The following NREP variants were observed in gnomAD, a reference collection of about 807,000 sequenced individuals.
NREP encodes neuronal regeneration related protein.
In NREP, 5 loss-of-function variants were observed where a neutral mutation model predicts 8.6. The ratio of observed to expected loss-of-function variants is 0.58; its 90% CI spans 0.30 to 1.22. The LOEUF is 1.22. NREP is among the 50% of genes most tolerant of loss of function. NREP has a pLI of 0.07. For missense variants in NREP, 86 were observed against 82.5 expected, an observed-to-expected ratio of 1.04 and a Z score of -0.17; for synonymous variants, 27 against 28.0, an observed-to-expected ratio of 0.96 and a Z score of 0.11.
intron 2 of NREP, among the ~76,000 whole-genome samples, chr5:111,826,414 A>G (rs1752628729): frequency 6.6e-6 from 1 of 152,208 alleles, no homozygotes; most frequent in Non-Finnish European, 1.5e-5. Context: ...GCTGCTGCTC[A>G]GTGTTTGGGT....
At chr5:111,831,156 A>C (rs1752757943) in intron 2 of NREP, among the ~76,000 whole-genome samples, 1 of 152,140 alleles carries the variant, frequency 6.6e-6, no homozygotes, top group South Asian at 2.1e-4. Flanking sequence ...CTTTACTGAA[A>C]GCTTCCATCT....
chr5:111,779,383 G>A (rs1363474740), intron 2 of NREP, among the ~76,000 whole-genome samples: 1 of 152,136 alleles, frequency 6.6e-6, no homozygotes, highest in Non-Finnish European at 1.5e-5. Context: ...GTCTCTGCCG[G>A]GAGGTTTGCT....
chr5:111,925,220 C>T (rs144198043), intron 2 of NREP, among the ~76,000 whole-genome samples: 62 of 151,878 alleles, frequency 4.1e-4, no homozygotes, highest in African/African-American at 1.2e-3. Flanking sequence ...AGCCCTGGGA[C>T]CCATCAGTTC....
At chr5:111,845,043 G>A (rs908677802) in intron 2 of NREP, among the ~76,000 whole-genome samples, 1 of 152,034 alleles carries the variant, frequency 6.6e-6, no homozygotes, top group Non-Finnish European at 1.5e-5. Context: ...TGCTGGGGTG[G>A]GTCGGGAGCC....
chr5:111,871,298 A>C (rs1281469579), intron 2 of NREP, among the ~76,000 whole-genome samples: 1 of 152,164 alleles, frequency 6.6e-6, no homozygotes, highest in African/African-American at 2.4e-5. Context: ...CACAATGATA[A>C]GTATTTGTAT....
At position 111,763,188 on chromosome 5, in the gene NREP, C is replaced by G. The variant is rs1370472083; in HGVS notation, c.136-27681G>C. Among the ~76,000 whole-genome samples, 7 of 152,312 alleles carry G rather than the reference C, an allele frequency of 4.6e-5. 1 individual carries two copies. The South Asian group carries it at 1.5e-3, about 32-fold the overall frequency. The stretch of plus-strand genomic sequence containing the variant: ...CCCACACCAAGAGTATGCTCAGTGT[C>G]TTCGTATTAGACGATTCAGTAAGTC... On this transcript the variant is annotated intron_variant, in intron 2 of 3. Coordinates refer to the NREP transcript ENST00000395634.
chr5:111,883,176 G>C (rs367926719), intron 2 of NREP, among the ~76,000 whole-genome samples: 29 of 149,604 alleles, frequency 1.9e-4, no homozygotes, highest in Admixed American at 3.3e-4. Flanking sequence ...GGGTTGCAAT[G>C]CTAGTCTCTG....
intron 2 of NREP, among the ~76,000 whole-genome samples, chr5:111,866,640 A>G (rs181109836): frequency 6.6e-6 from 1 of 152,160 alleles, no homozygotes; most frequent in Non-Finnish European, 1.5e-5. Context: ...CCATCCCATT[A>G]CTGGGTATAT....
At chr5:111,764,272 G>C (rs1193698844) in intron 2 of NREP, among the ~76,000 whole-genome samples, 1 of 152,098 alleles carries the variant, frequency 6.6e-6, no homozygotes, top group Non-Finnish European at 1.5e-5. Flanking sequence ...TGGAAGGAGG[G>C]GGTTGGCCCA....
intron 2 of NREP, among the ~76,000 whole-genome samples, chr5:111,931,113 C>T (rs1342502985): frequency 6.6e-6 from 1 of 152,000 alleles, no homozygotes; most frequent in East Asian, 1.9e-4. Context: ...CTTGCCCCTT[C>T]TTCTTGTGCC....
rs1373717639 is a variant in NREP at position 111,817,601 on chromosome 5, C to A, written c.136-82094G>T. 5.3e-5 allele frequency among the ~76,000 whole-genome samples: 8 copies of A among 151,888 alleles called. No individual in the cohort carries two copies. In the South Asian group the frequency reaches 1.7e-3, roughly 32 times the overall value. On this transcript the variant is annotated intron_variant, in intron 2 of 3. Coordinates refer to the NREP transcript ENST00000395634. Reference sequence around the variant, plus strand: ...TGGGTGGATCACGAGGTCAGGAGATCGAGACCATTCTGGCTAACATGGTGA... The same window carrying A: ...TGGGTGGATCACGAGGTCAGGAGATAGAGACCATTCTGGCTAACATGGTGA...
chr5:111,890,103 G>T (rs1039742670), intron 2 of NREP, among the ~76,000 whole-genome samples: 7 of 152,138 alleles, frequency 4.6e-5, no homozygotes, highest in Non-Finnish European at 8.8e-5. Context: ...TCAGAGACCC[G>T]ACAGGTACAA....
chr5:111,766,735 T>C (rs1751093953), intron 2 of NREP, among the ~76,000 whole-genome samples: 1 of 152,196 alleles, frequency 6.6e-6, no homozygotes, highest in Non-Finnish European at 1.5e-5. Flanking sequence ...AGATTGTCAG[T>C]TCACTGATTT....
intron 2 of NREP, among the ~76,000 whole-genome samples, chr5:111,974,952 T>C (rs115759298): frequency 6.6e-6 from 1 of 152,222 alleles, no homozygotes; most frequent in African/African-American, 2.4e-5. Context: ...ACCACGTGAG[T>C]TCCAAGAATG....
chr5:111,786,001 A>G (rs76753165), intron 2 of NREP, among the ~76,000 whole-genome samples: 1 of 152,304 alleles, frequency 6.6e-6, no homozygotes, highest in Non-Finnish European at 1.5e-5. Context: ...CGTAGTGTGG[A>G]GCAGGAAAAG....
intron 2 of NREP, among the ~76,000 whole-genome samples, chr5:111,887,195 A>G (rs1309575252): frequency 1.3e-5 from 2 of 152,042 alleles, no homozygotes; most frequent in East Asian, 1.9e-4. Flanking sequence ...AGGTGCTGAG[A>G]TTACAGGTGT....
chr5:111,951,318 G>A (rs1756153852), intron 2 of NREP, among the ~76,000 whole-genome samples: 2 of 151,926 alleles, frequency 1.3e-5, no homozygotes, highest in South Asian at 4.1e-4. Context: ...CAGCAATGTT[G>A]TTATGAACAT....
intron 2 of NREP, among the ~76,000 whole-genome samples, chr5:111,764,536 C>T (rs1751036872): frequency 6.6e-6 from 1 of 152,144 alleles, no homozygotes; most frequent in South Asian, 2.1e-4. Flanking sequence ...GAGACTTATT[C>T]ACTATCACGA....
At chr5:111,808,194 C>T (rs1349464540) in intron 2 of NREP, among the ~76,000 whole-genome samples, 1 of 152,214 alleles carries the variant, frequency 6.6e-6, no homozygotes, top group African/African-American at 2.4e-5. Context: ...GTAGGCTTCT[C>T]CTCCAATGGG....
Sources: allele counts gnomAD v4.1 joint callset (sites outside exome capture counted in the v4.1 genomes callset), GRCh38; gene constraint gnomAD v4.1.1; transcripts MANE v1.5; gene names NCBI Gene and HGNC (gene_info 2026-07-23, HGNC 2026-07-21).